Variants in RARS1 observed in about 807,000 individuals in gnomAD.
The protein encoded by RARS1 is arginine--tRNA ligase, cytoplasmic.
Under a neutral mutation model 78.7 loss-of-function variants are expected in RARS1, and 75 were observed. The ratio of observed to expected loss-of-function variants is 0.95; its 90% confidence interval spans 0.79 to 1.15. The LOEUF is 1.15. Among genes scored for constraint, RARS1 ranks in the 50% most tolerant of loss-of-function variants. RARS1 has a pLI of 0.00. For synonymous variants in RARS1, 273 were observed against 268.2 expected (o/e 1.02, Z -0.18); for missense variants, 787 against 787.5 (o/e 1.00, Z 0.01).
At chr5:168,509,783 A>G (rs1360335115) in intron 11 of RARS1, among the ~76,000 whole-genome samples, 2 of 151,960 alleles carry the variant, frequency 1.3e-5, no homozygotes, top group Non-Finnish European at 2.9e-5. Flanking sequence ...GAGCCTGGGC[A>G]ACATAGTGAG....
chr5:168,493,633 CAA>C (rs35001933), intron 3 of RARS1, among the ~76,000 whole-genome samples: 15 of 78,202 alleles, frequency 1.9e-4, no homozygotes, highest in Admixed American at 5.0e-4. Context: ...GACTCCATCT[CAA>C]AAAAAAAAAA....
intron 9 of RARS1, among the ~76,000 whole-genome samples, chr5:168,502,384 A>ATATATAT (rs1280220276): frequency 7.9e-5 from 10 of 127,248 alleles, no homozygotes; most frequent in African/African-American, 3.2e-4. Context: ...ATATATATAT[A>ATATATAT]TTTTTTTTTT....
At position 168,516,821 on chromosome 5, in the gene RARS1, C is replaced by T. The variant is rs759191686; in HGVS notation, c.1496C>T (p.Ala499Val). The change falls in exon 13 of 15, where the codon GCG (alanine) becomes GTG (valine). Residue 499 changes from alanine to valine, a missense_variant. Coordinates refer to ENST00000231572, the MANE Select transcript of RARS1 (RefSeq NM_002887.4). ...EELNAAQTSVAYGCIKYADLS... is the reference protein window; with the variant it reads ...EELNAAQTSVVYGCIKYADLS... Reference sequence around the variant, plus strand: ...TTGAATGCTGCTCAGACATCCGTTGCGTATGGCTGCATCAAATATGCTGAC... The same window carrying T: ...TTGAATGCTGCTCAGACATCCGTTGTGTATGGCTGCATCAAATATGCTGAC... 3 of 1,614,152 alleles carry T rather than the reference C, an allele frequency of 1.9e-6. No homozygotes were observed. Among genetic ancestry groups the T allele is most frequent in the Non-Finnish European group, 2.5e-6 (3 of 1,180,018 alleles).
Position 168,509,444 on chromosome 5 carries a change from C to G in RARS1, c.1347-1137C>G, listed in dbSNP as rs1002806470. On this transcript the variant is annotated intron_variant, in intron 11 of 14. Coordinates refer to ENST00000231572, the MANE Select transcript of RARS1 (RefSeq NM_002887.4). ...TTTGAGGGATTTTTTAAACACCCCC[C>G]CCCCCCCACCAAAAAAAGGAAAATG... Among the ~76,000 whole-genome samples the G allele has an allele frequency of 2.1e-4, 31 of 146,304 alleles. 1 individual carries two copies. Among genetic ancestry groups the G allele is most frequent in the African/African-American group, 7.7e-4 (31 of 40,176 alleles).
At chr5:168,513,132 G>A (rs1441161673) in intron 12 of RARS1, among the ~76,000 whole-genome samples, 11 of 150,226 alleles carry the variant, frequency 7.3e-5, no homozygotes, top group Non-Finnish European at 1.2e-4. Flanking sequence ...TGCAAGCTCC[G>A]CCTCCCATGT....
At chr5:168,487,515 T>C (rs1757996156) in intron 1 of RARS1, among the ~76,000 whole-genome samples, 1 of 152,228 alleles carries the variant, frequency 6.6e-6, no homozygotes, top group African/African-American at 2.4e-5. Flanking sequence ...GTCAAGTAAA[T>C]TGGCAAGCTC....
intron 7 of RARS1, among the ~76,000 whole-genome samples, chr5:168,498,635 A>G (rs1758251198): frequency 1.3e-5 from 2 of 152,326 alleles, no homozygotes; most frequent in South Asian, 4.1e-4. Flanking sequence ...GTTATTCAGT[A>G]AATAGCTTTG....
chr5:168,493,030 T>TA, intron 3 of RARS1, 183 bp downstream of exon 3: 1 of 532,124 alleles, frequency 1.9e-6, no homozygotes, highest in South Asian at 3.5e-5. Flanking sequence ...GCACAATTTT[T>TA]AAGGTTTGGT....
chr5:168,516,738 A>G, intron 12 of RARS1, 40 bp from the exon 13 acceptor site: 1 of 1,599,356 alleles, frequency 6.3e-7, no homozygotes, highest in Non-Finnish European at 8.6e-7. Flanking sequence ...CAGAAGCAGC[A>G]GTCAGTAAGC....
chr5:168,494,053 T>G (rs1048670601), intron 4 of RARS1, 51 bp downstream of exon 4: 2 of 1,484,122 alleles, frequency 1.3e-6, no homozygotes, highest in Non-Finnish European at 1.9e-6. Flanking sequence ...ATGAGTCCTT[T>G]TTGAAGTTAA....
At chr5:168,502,384 A>ATATTTTTTTTTTTT (rs1280220276) in intron 9 of RARS1, among the ~76,000 whole-genome samples, 3 of 127,246 alleles carry the variant, frequency 2.4e-5, no homozygotes, top group African/African-American at 9.5e-5. Context: ...ATATATATAT[A>ATATTTTTTTTTTTT]TTTTTTTTTT....
rs1554121699 is a variant in RARS1 at position 168,495,326 on chromosome 5, C to A, written c.591C>A (p.Asp197Glu). Residue 197 changes from aspartate (D) to glutamate (E), a missense_variant, in exon 6 of 15, where the codon GAC (aspartate) becomes GAA (glutamate). Transcript: ENST00000231572. Reference sequence around the variant, plus strand: ...TTTGTCTACCCCAGGTTATAGTTGACTTTTCCTCCCCTAATATAGCTAAAG... The same window carrying A: ...TTTGTCTACCCCAGGTTATAGTTGAATTTTCCTCCCCTAATATAGCTAAAG... ...ALGENKKVIV[D>E]FSSPNIAKEM... 6.2e-7 allele frequency: 1 copy of A among 1,613,792 alleles called. No individual in the cohort carries two copies. The highest frequency in any genetic ancestry group is 8.5e-7 in the Non-Finnish European group (1 of 1,179,800).
intron 9 of RARS1, among the ~76,000 whole-genome samples, chr5:168,504,683 G>T (rs1463860248): frequency 6.6e-6 from 1 of 151,508 alleles, no homozygotes; most frequent in Non-Finnish European, 1.5e-5. Context: ...AAATTAGCTG[G>T]GCGTGTTGGC....
In RARS1 at chr5:168,494,574, A is replaced by G. The variant is rs747319541; in HGVS notation, c.503A>G (p.Lys168Arg). The part of the protein sequence containing the change: ...GPGFINVHLR[K>R]DFVSEQLTSL... ...GGTTTTATTAATGTCCACTTAAGAA[A>G]GGATTTTGTATCAGAACAATTGACC... Residue 168 changes from lysine (K) to arginine (R), a missense_variant, in exon 5 of 15, where the codon AAG becomes AGG. By Grantham distance (26) the Lys-to-Arg change is conservative. Transcript: ENST00000231572. 5 of 1,611,164 alleles carry G rather than the reference A, an allele frequency of 3.1e-6. No individual in the cohort carries two copies. The African/African-American group carries it at 6.7e-5, about 22-fold the overall frequency.
chr5:168,488,134 T>C, intron 1 of RARS1: 1 of 373,794 alleles, frequency 2.7e-6, no homozygotes, highest in Non-Finnish European at 5.2e-6. Context: ...CTTTTTCTTT[T>C]TCTTTTTTTT....
At position 168,500,601 on chromosome 5, in the gene RARS1, A is replaced by C; in HGVS notation, c.833A>C (p.Lys278Thr). 1 of 1,542,482 alleles carries C rather than the reference A, an allele frequency of 6.5e-7. No homozygotes were observed. The highest frequency in any genetic ancestry group is 8.7e-7 in the Non-Finnish European group (1 of 1,151,424). ...DLQVFYKESKKRFDTEEEFKK... is the reference protein window; with the variant it reads ...DLQVFYKESKTRFDTEEEFKK... Reference sequence around the variant, plus strand: ...TATATATATATACAGGAATCTAAGAAGAGGTTTGATACTGAGGAGGAATTT... The same window carrying C: ...TATATATATATACAGGAATCTAAGACGAGGTTTGATACTGAGGAGGAATTT... The change falls in exon 8 of 15, where the codon AAG becomes ACG. Residue 278 changes from lysine to threonine, a missense_variant. Coordinates refer to ENST00000231572, the MANE Select transcript of RARS1 (RefSeq NM_002887.4).
intron 7 of RARS1, among the ~76,000 whole-genome samples, chr5:168,498,549 T>A (rs1758248942): frequency 6.6e-6 from 1 of 152,240 alleles, no homozygotes; most frequent in African/African-American, 2.4e-5. Flanking sequence ...ACTTTATGAC[T>A]GCACATTTTG....
intron 7 of RARS1, among the ~76,000 whole-genome samples, chr5:168,500,200 C>CAAAAAAAAAA (rs36015007): frequency 4.2e-5 from 2 of 47,776 alleles, no homozygotes; most frequent in African/African-American, 1.8e-4. Flanking sequence ...GACTCTGTCT[C>CAAAAAAAAAA]AAAAAAAAAA....
intron 9 of RARS1, among the ~76,000 whole-genome samples, chr5:168,502,310 A>G (rs1758343349): frequency 1.3e-5 from 2 of 150,212 alleles, no homozygotes; most frequent in South Asian, 4.2e-4. Context: ...ATGTCTCTGA[A>G]AGAACAGGAC....
Sources: allele counts gnomAD v4.1 joint callset (sites outside exome capture counted in the v4.1 genomes callset), GRCh38; gene constraint gnomAD v4.1.1; transcripts MANE v1.5; gene names NCBI Gene and HGNC (gene_info 2026-07-23, HGNC 2026-07-21).